Variants in GNG2 observed in about 807,000 individuals in gnomAD.
GNG2 encodes G protein subunit gamma 2.
In GNG2, 5 loss-of-function variants were observed where a neutral mutation model predicts 5.5. The ratio of observed to expected loss-of-function variants is 0.91; its 90% CI spans 0.48 to 1.92. The LOEUF is 1.92. GNG2 is among the 30% of genes most tolerant of loss of function. The probability of loss-of-function intolerance (pLI) is 0.01; values close to 1 mark genes in which losing one functional copy is unlikely to be tolerated. For missense variants in GNG2, 55 were observed against 88.4 expected, an observed-to-expected ratio of 0.62 and a Z score of 1.52; for synonymous variants, 28 against 32.0, an observed-to-expected ratio of 0.88 and a Z score of 0.42.
chr14:51,904,333 G>A (rs965981512), intron 2 of GNG2, among the ~76,000 whole-genome samples: 2 of 152,200 alleles, frequency 1.3e-5, no homozygotes, highest in Non-Finnish European at 2.9e-5. Flanking sequence ...TACCGTAGCT[G>A]CAAGGGAGCC....
At chr14:51,891,898 A>G (rs1279271337) in intron 2 of GNG2, among the ~76,000 whole-genome samples, 3 of 152,176 alleles carry the variant, frequency 2.0e-5, no homozygotes, top group African/African-American at 7.2e-5. Context: ...CATTCTGTTC[A>G]TGTCTCCTGG....
At chr14:51,945,605 G>A (rs1331659455) in intron 2 of GNG2, among the ~76,000 whole-genome samples, 1 of 152,164 alleles carries the variant, frequency 6.6e-6, no homozygotes, top group African/African-American at 2.4e-5. Flanking sequence ...GAGATGGATG[G>A]TGGTGATGAT....
chr14:51,871,675 G>C (rs73292960), intron 1 of GNG2, among the ~76,000 whole-genome samples: 1 of 152,168 alleles, frequency 6.6e-6, no homozygotes, highest in Non-Finnish European at 1.5e-5. Context: ...ATCTGCAGTA[G>C]AGTATCTTTT....
At chr14:51,916,304 G>A in intron 2 of GNG2, 4 of 280,942 alleles carry the variant, frequency 1.4e-5, no homozygotes, top group South Asian at 1.2e-4. Context: ...AAATTGAGTG[G>A]GTGCTGGAAC....
At chr14:51,950,442 G>A (rs920741201) in intron 2 of GNG2, among the ~76,000 whole-genome samples, 4 of 152,164 alleles carry the variant, frequency 2.6e-5, no homozygotes, top group Non-Finnish European at 5.9e-5. Flanking sequence ...TCTAAAGAAG[G>A]GATGGGGAAG....
intron 2 of GNG2, among the ~76,000 whole-genome samples, chr14:51,834,701 T>C (rs1351842092): frequency 6.6e-6 from 1 of 152,208 alleles, no homozygotes; most frequent in South Asian, 2.1e-4. Context: ...AGGAAAGCAC[T>C]GGAGATGTCA....
intron 2 of GNG2, chr14:51,847,319 G>A (rs994086147): frequency 6.6e-5 from 10 of 152,228 alleles, no homozygotes; most frequent in African/African-American, 2.4e-4. Flanking sequence ...GTCTGTAAGC[G>A]GGAGTGTCAA....
chr14:51,932,382 A>G (rs1391108048), intron 2 of GNG2, among the ~76,000 whole-genome samples: 1 of 152,176 alleles, frequency 6.6e-6, no homozygotes, highest in Non-Finnish European at 1.5e-5. Context: ...GCTAAGTGAA[A>G]TAAGCCAGTC....
intron 2 of GNG2, among the ~76,000 whole-genome samples, chr14:51,936,042 A>G (rs767413124): frequency 6.6e-6 from 1 of 152,150 alleles, no homozygotes; most frequent in Non-Finnish European, 1.5e-5. Flanking sequence ...ATCAAGCCCC[A>G]TCCTGGAGAG....
chr14:51,843,555 C>T (rs1881543343), intron 2 of GNG2, among the ~76,000 whole-genome samples: 1 of 143,176 alleles, frequency 7.0e-6, no homozygotes, highest in Non-Finnish European at 1.5e-5. Context: ...ACGATCTGCA[C>T]ACGCATCCCA....
rs1459114472 is a variant in GNG2 at position 51,845,985 on chromosome 14, TCC to T, written c.64+18179_64+18180del. Reference sequence around the variant, plus strand: ...CCAGCATCTATAAAACATGGGACACTCCAGTTCATTGCAGCTTCCACCTTTGA... The same window carrying T: ...CCAGCATCTATAAAACATGGGACACTAGTTCATTGCAGCTTCCACCTTTGA... On this transcript the variant is annotated intron_variant, in intron 2 of 3. Coordinates refer to the GNG2 transcript ENST00000553432. Among the ~76,000 whole-genome samples the T allele has an allele frequency of 2.6e-5, 4 of 152,300 alleles. No individual in the cohort carries two copies. The East Asian group carries it at 7.7e-4, about 29-fold the overall frequency.
At chr14:51,956,081 C>T (rs901025851) in intron 3 of GNG2, among the ~76,000 whole-genome samples, 3 of 152,174 alleles carry the variant, frequency 2.0e-5, no homozygotes, top group African/African-American at 7.2e-5. Flanking sequence ...TGCTTGTGTT[C>T]AATTTTATTA....
At chr14:51,966,479 A>C in intron 3 of GNG2, 80 bp from the exon 4 acceptor site, 1 of 1,221,140 alleles carries the variant, frequency 8.2e-7, no homozygotes. Context: ...ATTTGATGCC[A>C]GGACATTGGG....
At chr14:51,916,107 A>G (rs1243356013) in intron 2 of GNG2, 2 of 197,702 alleles carry the variant, frequency 1.0e-5, no homozygotes, top group African/African-American at 4.8e-5. Context: ...TAGAGTAGGC[A>G]CCAAAAGAAT....
At chr14:51,920,733 G>C (rs1886968802) in intron 2 of GNG2, among the ~76,000 whole-genome samples, 1 of 152,154 alleles carries the variant, frequency 6.6e-6, no homozygotes, top group Non-Finnish European at 1.5e-5. Flanking sequence ...ATTCTATGTA[G>C]GCAGTGGAAG....
intron 1 of GNG2, among the ~76,000 whole-genome samples, chr14:51,826,577 G>T (rs575345506): frequency 6.6e-6 from 1 of 152,300 alleles, no homozygotes; most frequent in South Asian, 2.1e-4. Flanking sequence ...CATGCTGAGT[G>T]CAGTGATGTG....
upstream of GNG2, among the ~76,000 whole-genome samples, chr14:51,856,410 C>T (rs2140094295): frequency 1.3e-5 from 2 of 152,214 alleles, no homozygotes; most frequent in East Asian, 3.9e-4. Context: ...TAAAGAATAG[C>T]TTTCTTTTTA....
At chr14:51,926,351 C>T (rs1887318549) in intron 2 of GNG2, among the ~76,000 whole-genome samples, 2 of 152,270 alleles carry the variant, frequency 1.3e-5, no homozygotes, top group African/African-American at 4.8e-5. Flanking sequence ...TCCATCTCTT[C>T]CCTTCTAAAC....
At chr14:51,858,117 A>C (rs527239090), upstream of GNG2, among the ~76,000 whole-genome samples, 1 of 152,364 alleles carries the variant, frequency 6.6e-6, no homozygotes, top group South Asian at 2.1e-4. Flanking sequence ...TTGATGCATA[A>C]ACTATTAATG....
Sources: allele counts gnomAD v4.1 joint callset (sites outside exome capture counted in the v4.1 genomes callset), GRCh38; gene constraint gnomAD v4.1.1; transcripts MANE v1.5; gene names NCBI Gene and HGNC (gene_info 2026-07-23, HGNC 2026-07-21).